TMC1: variants seen among roughly 807,000 people sequenced by gnomAD.
TMC1 encodes the protein transmembrane channel-like protein 1.
A neutral mutation model predicts 105.8 loss-of-function variants in TMC1; 84 were observed. The ratio of observed to expected loss-of-function variants is 0.79; its 90% CI spans 0.67 to 0.95. The LOEUF is 0.95. Ranked by LOEUF, TMC1 falls within the 40% of genes least tolerant of loss-of-function variation. TMC1 has a pLI of 0.00. For missense variants in TMC1, 817 were observed against 914.1 expected (o/e 0.89, Z 1.37); for synonymous variants, 315 against 311.5 (o/e 1.01, Z -0.12).
chr9:72,579,884 C>T (rs1184189930), intron 2 of TMC1, among the ~76,000 whole-genome samples: 2 of 151,788 alleles, frequency 1.3e-5, no homozygotes, highest in African/African-American at 4.8e-5. Flanking sequence ...TAGCCAGTCT[C>T]ATAACCTGGT....
intron 2 of TMC1, among the ~76,000 whole-genome samples, chr9:72,614,766 C>T (rs1055029028): frequency 2.6e-5 from 4 of 152,046 alleles, no homozygotes; most frequent in Non-Finnish European, 5.9e-5. Flanking sequence ...CTGTAACCAC[C>T]GCCTCCCAGG....
chr9:72,818,131 C>A (rs1828816538), intron 19 of TMC1, among the ~76,000 whole-genome samples: 1 of 152,106 alleles, frequency 6.6e-6, no homozygotes, highest in South Asian at 2.1e-4. Context: ...CACACACAAT[C>A]GTTCCATTAT....
rs1314893084 is a variant in TMC1 at position 72,832,051 on chromosome 9, G to C, written c.2260+1369G>C. ...GCTCACTGCAGCTCCAACTTCCCAG[G>C]CTGAAGTGATCCTTCCTCCTCAGCC... On this transcript the variant is annotated intron_variant, in intron 23 of 23. Coordinates refer to ENST00000297784, the MANE Select transcript of TMC1 (RefSeq NM_138691.3). Among the ~76,000 whole-genome samples the C allele has an allele frequency of 2.0e-5, 3 of 151,934 alleles. No homozygotes were observed. The East Asian group carries it at 5.8e-4, about 29-fold the overall frequency.
rs1246126125 is a variant in TMC1, at chr9:72,788,762, T to C, written c.1029+279T>C. On this transcript the variant is annotated intron_variant, in intron 14 of 23. Coordinates refer to ENST00000297784, the MANE Select transcript of TMC1 (RefSeq NM_138691.3). Reference sequence around the variant, plus strand: ...GACCATGAGTAATCAGAATAAGATATTTTAAAAACTAGAACAATGTTCACT... The same window carrying C: ...GACCATGAGTAATCAGAATAAGATACTTTAAAAACTAGAACAATGTTCACT... Among the ~76,000 whole-genome samples the C allele has an allele frequency of 2.6e-5, 4 of 152,150 alleles. No homozygotes were observed. In the South Asian group the frequency reaches 8.3e-4, roughly 32 times the overall value.
intron 2 of TMC1, among the ~76,000 whole-genome samples, chr9:72,594,659 A>G (rs1487938681): frequency 6.6e-6 from 1 of 152,176 alleles, no homozygotes; most frequent in Non-Finnish European, 1.5e-5. Flanking sequence ...AACTTTGACT[A>G]TGTCCCACAA....
intron 1 of TMC1, among the ~76,000 whole-genome samples, chr9:72,554,639 A>C (rs1386646350): frequency 2.0e-5 from 3 of 152,198 alleles, no homozygotes; most frequent in Non-Finnish European, 2.9e-5. Context: ...AAAGTCAGGG[A>C]AGCTGGTTTC....
intron 5 of TMC1, among the ~76,000 whole-genome samples, chr9:72,679,423 C>CTTAA (rs71359513): frequency 0.043 from 6,469 of 152,148 alleles, 198 homozygotes; most frequent in Non-Finnish European, 0.062. Flanking sequence ...ACTGGCTTCA[C>CTTAA]TTAAACAAGA....
chr9:72,642,580 T>C (rs368205009), intron 4 of TMC1, among the ~76,000 whole-genome samples: 5 of 152,326 alleles, frequency 3.3e-5, no homozygotes, highest in Admixed American at 6.5e-5. Context: ...GTATGGTTTG[T>C]CACATATTTT....
intron 1 of TMC1, among the ~76,000 whole-genome samples, chr9:72,571,287 C>T (rs975966022): frequency 4.0e-5 from 6 of 151,258 alleles, no homozygotes; most frequent in African/African-American, 1.5e-4. Context: ...AGCACCATTG[C>T]ACTCCAGACT....
chr9:72,815,668 A>G (rs913239344), intron 18 of TMC1, among the ~76,000 whole-genome samples: 1 of 152,236 alleles, frequency 6.6e-6, no homozygotes, highest in Non-Finnish European at 1.5e-5. Flanking sequence ...TCATTGCAAT[A>G]TATCATAGTA....
intron 19 of TMC1, among the ~76,000 whole-genome samples, chr9:72,817,510 A>T (rs1282296930): frequency 1.3e-5 from 2 of 152,188 alleles, no homozygotes; most frequent in Non-Finnish European, 2.9e-5. Flanking sequence ...TTATGGCAGA[A>T]AATGGCTAAC....
At position 72,830,613 on chromosome 9, in the gene TMC1, T is replaced by G. The variant is rs777092231; in HGVS notation, c.2209-18T>G. The G allele has an allele frequency of 2.5e-6, 4 of 1,613,010 alleles. No homozygotes were observed. The East Asian group carries it at 6.7e-5, about 27-fold the overall frequency. ...CACTGAGAAATCTACTTTTTTCCCC[T>G]TATTTTTTATTGTGTAGCAAGCTTT... On this transcript the variant is annotated intron_variant, in intron 22 of 23. Transcript: ENST00000297784.
At chr9:72,629,790 A>G (rs1564455701) in intron 4 of TMC1, among the ~76,000 whole-genome samples, 1 of 152,192 alleles carries the variant, frequency 6.6e-6, no homozygotes, top group Non-Finnish European at 1.5e-5. Flanking sequence ...GAAATTCTAC[A>G]TTTGGGATGA....
At chr9:72,821,431 G>T (rs1828870481) in intron 20 of TMC1, among the ~76,000 whole-genome samples, 1 of 151,986 alleles carries the variant, frequency 6.6e-6, no homozygotes, top group Non-Finnish European at 1.5e-5. Flanking sequence ...GAGCTCAGGA[G>T]GCGGAGGTTG....
intron 18 of TMC1, among the ~76,000 whole-genome samples, chr9:72,812,950 T>A (rs1012546254): frequency 6.6e-6 from 1 of 152,220 alleles, no homozygotes. Context: ...ATGACTGACT[T>A]AGCACATCAC....
intron 8 of TMC1, among the ~76,000 whole-genome samples, chr9:72,739,560 G>A (rs1415065183): frequency 6.6e-6 from 1 of 152,126 alleles, no homozygotes; most frequent in East Asian, 1.9e-4. Flanking sequence ...CTAAATGTGA[G>A]GCCGAAAGTA....
intron 2 of TMC1, among the ~76,000 whole-genome samples, chr9:72,612,794 G>A (rs1306265283): frequency 1.3e-5 from 2 of 152,056 alleles, no homozygotes; most frequent in Non-Finnish European, 2.9e-5. Context: ...GACATTTTTG[G>A]TTGTCACAAC....
intron 12 of TMC1, among the ~76,000 whole-genome samples, chr9:72,769,672 T>G (rs1827894186): frequency 6.6e-6 from 1 of 152,320 alleles, no homozygotes; most frequent in Admixed American, 6.5e-5. Flanking sequence ...CATAGTGTTC[T>G]CCTGAGGATT....
intron 2 of TMC1, chr9:72,616,132 A>G (rs1825124183): frequency 6.6e-6 from 1 of 152,202 alleles, no homozygotes; most frequent in South Asian, 2.1e-4. Context: ...TTCCTCTGTC[A>G]TATATGGGAT....
Sources: allele counts gnomAD v4.1 joint callset (sites outside exome capture counted in the v4.1 genomes callset), GRCh38; gene constraint gnomAD v4.1.1; transcripts MANE v1.5; gene names NCBI Gene and HGNC (gene_info 2026-07-23, HGNC 2026-07-21).